Variants in ULK4 observed in about 807,000 individuals in gnomAD.
ULK4 encodes unc-51 like kinase 4, also known as inactive serine/threonine-protein kinase ULK4.
In ULK4, 133 loss-of-function variants were observed where a neutral mutation model predicts 160.6. The observed-to-expected ratio is 0.83, with a 90% confidence interval of 0.72 to 0.96. The LOEUF (loss-of-function observed/expected upper bound fraction) is 0.96. ULK4 is among the 40% of genes least tolerant of loss of function. ULK4 has a pLI of 0.00. For synonymous variants in ULK4, 534 were observed against 539.8 expected, an observed-to-expected ratio of 0.99 and a Z score of 0.15; for missense variants, 1,580 against 1,499.5, an observed-to-expected ratio of 1.05 and a Z score of -0.89.
chr3:41,332,691 G>C (rs981683564), intron 35 of ULK4, among the ~76,000 whole-genome samples: 1 of 152,178 alleles, frequency 6.6e-6, no homozygotes, highest in Non-Finnish European at 1.5e-5. Flanking sequence ...TATATGTGCA[G>C]GTTTGTTATG....
chr3:41,960,477 C>G (rs1045045201), intron 1 of ULK4, among the ~76,000 whole-genome samples: 8 of 151,918 alleles, frequency 5.3e-5, no homozygotes, highest in African/African-American at 1.7e-4. Context: ...ATTCTCGTGC[C>G]TCAGCCTCCA....
At chr3:41,398,573 G>A (rs2082114906) in intron 34 of ULK4, among the ~76,000 whole-genome samples, 1 of 103,506 alleles carries the variant, frequency 9.7e-6, no homozygotes, top group Non-Finnish European at 2.0e-5. Context: ...TTTTTTTTTG[G>A]TAGAGACGTG....
At chr3:41,486,208 A>G (rs2125901649) in intron 32 of ULK4, among the ~76,000 whole-genome samples, 1 of 152,296 alleles carries the variant, frequency 6.6e-6, no homozygotes, top group African/African-American at 2.4e-5. Flanking sequence ...AAATAATTGC[A>G]GTAATTGGGC....
chr3:41,307,153 A>T (rs926675106), intron 35 of ULK4, among the ~76,000 whole-genome samples: 2 of 120,016 alleles, frequency 1.7e-5, no homozygotes, highest in Non-Finnish European at 3.5e-5. Flanking sequence ...TAAAAAATAA[A>T]TAAATTAAAA....
intron 30 of ULK4, among the ~76,000 whole-genome samples, chr3:41,645,386 T>TA (rs1378697183): frequency 1.3e-5 from 2 of 152,176 alleles, no homozygotes; most frequent in Non-Finnish European, 2.9e-5. Flanking sequence ...GATTCTGGTA[T>TA]GTTGTGTCTT....
intron 18 of ULK4, among the ~76,000 whole-genome samples, chr3:41,829,904 C>T (rs1295901337): frequency 6.6e-6 from 1 of 150,808 alleles, no homozygotes; most frequent in Admixed American, 6.6e-5. Flanking sequence ...CCCAGATGTC[C>T]AACAATGATA....
chr3:41,703,191 T>C (rs888897320), intron 27 of ULK4, among the ~76,000 whole-genome samples: 1 of 151,976 alleles, frequency 6.6e-6, no homozygotes, highest in African/African-American at 2.4e-5. Context: ...ATAAATTACT[T>C]GATGAACATA....
At chr3:41,622,860 T>C (rs2125693126) in intron 30 of ULK4, among the ~76,000 whole-genome samples, 1 of 152,300 alleles carries the variant, frequency 6.6e-6, no homozygotes, top group East Asian at 1.9e-4. Flanking sequence ...AGCCCAAATA[T>C]TTCAGGCTTT....
At chr3:41,611,753 T>G (rs997213311) in intron 31 of ULK4, among the ~76,000 whole-genome samples, 1 of 152,152 alleles carries the variant, frequency 6.6e-6, no homozygotes, top group South Asian at 2.1e-4. Flanking sequence ...CGTTCTAGAC[T>G]TTTTTTGTTT....
chr3:41,748,260 T>C (rs1207876662), intron 22 of ULK4, among the ~76,000 whole-genome samples: 3 of 151,036 alleles, frequency 2.0e-5, no homozygotes, highest in African/African-American at 4.9e-5. Flanking sequence ...AGAGATCATA[T>C]ATATATACAC....
intron 18 of ULK4, among the ~76,000 whole-genome samples, chr3:41,823,456 G>C (rs565881496): frequency 6.6e-6 from 1 of 152,264 alleles, no homozygotes; most frequent in Non-Finnish European, 1.5e-5. Context: ...GACAAAATAA[G>C]AATACCTGAA....
Position 41,935,835 on chromosome 3 carries a change from A to C in ULK4, c.344T>G (p.Leu115Arg), listed in dbSNP as rs779861416. ...LISGLHHLHK[L>R]GILFCDISPR... ...AGAAATGTCACAAAAGAGAATGCCAAGTTTATGAAGATGATGTAATCCACT... is the reference window on the plus strand; with the variant it reads ...AGAAATGTCACAAAAGAGAATGCCACGTTTATGAAGATGATGTAATCCACT... Residue 115 changes from leucine to arginine, a missense_variant, in exon 4 of 37, where the codon CTT becomes CGT. Coordinates refer to ENST00000301831, the MANE Select transcript of ULK4 (RefSeq NM_017886.4). 1.2e-6 allele frequency: 2 copies of C among 1,612,660 alleles called. No homozygotes were observed. Among genetic ancestry groups the C allele is most frequent in the Non-Finnish European group, 1.7e-6 (2 of 1,179,612 alleles).
intron 31 of ULK4, among the ~76,000 whole-genome samples, chr3:41,575,464 A>C (rs770980129): frequency 3.3e-5 from 5 of 152,156 alleles, no homozygotes; most frequent in Admixed American, 6.5e-5. Context: ...CGGTAGCCAA[A>C]AATGTATGGT....
intron 6 of ULK4, 55 bp from the exon 7 acceptor site, chr3:41,918,595 C>CTTTTTTTTTTTTTTTTTT (rs36064862): frequency 4.8e-6 from 1 of 206,754 alleles, no homozygotes; most frequent in Admixed American, 1.5e-4. Flanking sequence ...ACCAATAATT[C>CTTTTTTTTTTTTTTTTTT]TTTTTTTTTT....
intron 35 of ULK4, chr3:41,250,858 C>T (rs568730823): frequency 6.6e-6 from 1 of 152,242 alleles, no homozygotes; most frequent in Non-Finnish European, 1.5e-5. Context: ...TTGATGTGTT[C>T]AAAAGACTAC....
rs1429793411 is a variant in ULK4, at chr3:41,402,148, T to C, written c.3493-3884A>G. Among the ~76,000 whole-genome samples, 3 of 152,344 alleles carry C rather than the reference T, an allele frequency of 2.0e-5. No homozygotes were observed. In the East Asian group the frequency reaches 5.8e-4, roughly 29 times the overall value. ...ATTTTTTACTGAGGTATAACTGATA[T>C]ACAAAAACTTGCACATATTTAATGT... On this transcript the variant is annotated intron_variant, in intron 34 of 36. Transcript: ENST00000301831.
intron 30 of ULK4, among the ~76,000 whole-genome samples, chr3:41,646,850 C>G (rs1475922323): frequency 6.6e-6 from 1 of 152,192 alleles, no homozygotes; most frequent in Non-Finnish European, 1.5e-5. Context: ...CAGATTTGGT[C>G]TTTTCACATA....
chr3:41,693,355 A>T (rs2036375370), intron 27 of ULK4, among the ~76,000 whole-genome samples: 1 of 152,236 alleles, frequency 6.6e-6, no homozygotes, highest in African/African-American at 2.4e-5. Flanking sequence ...ATTTACCCTG[A>T]AGATACACCT....
intron 22 of ULK4, among the ~76,000 whole-genome samples, chr3:41,732,253 A>G (rs964711802): frequency 6.6e-6 from 1 of 152,168 alleles, no homozygotes; most frequent in Non-Finnish European, 1.5e-5. Flanking sequence ...CAGAATATAT[A>G]AAGAATTCAA....
Sources: gnomAD v4.1 joint callset for allele counts (sites outside exome capture counted in the v4.1 genomes callset) on GRCh38, gnomAD v4.1.1 for gene constraint, MANE v1.5 for transcripts, NCBI Gene and HGNC (gene_info 2026-07-23, HGNC 2026-07-21) for gene names.